The following NKAIN2 variants were observed in gnomAD, a reference collection of about 807,000 sequenced individuals.
NKAIN2 encodes the protein sodium/potassium-transporting ATPase subunit beta-1-interacting protein 2.
In NKAIN2, 14 loss-of-function variants were observed where a neutral mutation model predicts 32.6. The ratio of observed to expected loss-of-function variants is 0.43; its 90% CI spans 0.28 to 0.67. The LOEUF is 0.67. Among genes scored for constraint, NKAIN2 ranks in the 30% least tolerant of loss-of-function variants. The pLI is 0.17. For missense variants in NKAIN2, 198 were observed against 258.3 expected (o/e 0.77, Z 1.60); for synonymous variants, 80 against 87.2 (o/e 0.92, Z 0.46).
chr6:124,018,136 A>G (rs61663747), intron 1 of NKAIN2, among the ~76,000 whole-genome samples: 3,661 of 152,244 alleles, frequency 0.024, 134 homozygotes, highest in African/African-American at 0.083. Context: ...AAGCTGTCAA[A>G]GCTTGGGGCT....
At chr6:124,300,262 A>C (rs1009493983) in intron 2 of NKAIN2, among the ~76,000 whole-genome samples, 1 of 152,086 alleles carries the variant, frequency 6.6e-6, no homozygotes, top group Admixed American at 6.6e-5. Context: ...CAAAGATTTC[A>C]TGGTTTTAAA....
intron 4 of NKAIN2, among the ~76,000 whole-genome samples, chr6:124,732,752 C>A (rs188123462): frequency 5.3e-5 from 8 of 151,938 alleles, no homozygotes; most frequent in African/African-American, 1.9e-4. Flanking sequence ...TTTAAGAATT[C>A]TTATATTGTG....
intron 3 of NKAIN2, among the ~76,000 whole-genome samples, chr6:124,542,173 T>C (rs953963012): frequency 6.6e-6 from 1 of 152,106 alleles, no homozygotes; most frequent in African/African-American, 2.4e-5. Flanking sequence ...ATCTATATTT[T>C]TATATCTGTT....
At chr6:124,012,296 G>C (rs1780370837) in intron 1 of NKAIN2, among the ~76,000 whole-genome samples, 1 of 150,096 alleles carries the variant, frequency 6.7e-6, no homozygotes, top group African/African-American at 2.5e-5. Flanking sequence ...ATAAATAGAA[G>C]CACTCTTTAT....
intron 1 of NKAIN2, among the ~76,000 whole-genome samples, chr6:124,019,786 CTG>C (rs1780782438): frequency 6.6e-6 from 1 of 151,998 alleles, no homozygotes; most frequent in South Asian, 2.1e-4. Context: ...TTGTCTGAAA[CTG>C]TAACAAATTC....
At chr6:124,474,608 A>G (rs970990941) in intron 3 of NKAIN2, among the ~76,000 whole-genome samples, 4 of 152,004 alleles carry the variant, frequency 2.6e-5, no homozygotes, top group Non-Finnish European at 5.9e-5. Context: ...TATTTTAAAG[A>G]TCACCATGAC....
chr6:124,371,680 C>A (rs1193347076), intron 3 of NKAIN2, among the ~76,000 whole-genome samples: 5 of 97,692 alleles, frequency 5.1e-5, no homozygotes, highest in Admixed American at 1.7e-4. Context: ...GGGGAGAGAG[C>A]AAGACTCTGT....
At chr6:123,915,084 A>T (rs1358886494) in intron 1 of NKAIN2, among the ~76,000 whole-genome samples, 1 of 152,186 alleles carries the variant, frequency 6.6e-6, no homozygotes, top group Non-Finnish European at 1.5e-5. Context: ...CTTCTCGAAG[A>T]GGTGTCCAGC....
At chr6:124,181,086 C>T (rs557338288) in intron 1 of NKAIN2, among the ~76,000 whole-genome samples, 1 of 152,270 alleles carries the variant, frequency 6.6e-6, no homozygotes, top group East Asian at 1.9e-4. Context: ...GGCAGAGGTT[C>T]CCAAACCTCA....
intron 2 of NKAIN2, among the ~76,000 whole-genome samples, chr6:124,341,681 C>A (rs530734229): frequency 2.6e-5 from 4 of 152,130 alleles, no homozygotes; most frequent in Non-Finnish European, 5.9e-5. Context: ...GCAGCATAAT[C>A]TATGATTAGA....
At chr6:124,731,982 TA>T (rs1776702390) in intron 4 of NKAIN2, among the ~76,000 whole-genome samples, 1 of 152,100 alleles carries the variant, frequency 6.6e-6, no homozygotes, top group Non-Finnish European at 1.5e-5. Flanking sequence ...ATGAATATAA[TA>T]AATGGATCTC....
chr6:124,476,981 A>G (rs1167637440), intron 3 of NKAIN2, among the ~76,000 whole-genome samples: 1 of 152,186 alleles, frequency 6.6e-6, no homozygotes, highest in African/African-American at 2.4e-5. Context: ...CACCCTTTGT[A>G]CTGAAAGTGC....
intron 3 of NKAIN2, among the ~76,000 whole-genome samples, chr6:124,402,769 A>G (rs930971891): frequency 1.3e-5 from 2 of 152,136 alleles, no homozygotes; most frequent in African/African-American, 4.8e-5. Flanking sequence ...TATAGACACA[A>G]AGAAGGGAGT....
chr6:124,142,578 A>G (rs2114341386), intron 1 of NKAIN2, among the ~76,000 whole-genome samples: 1 of 152,338 alleles, frequency 6.6e-6, no homozygotes, highest in South Asian at 2.1e-4. Flanking sequence ...ACGCAGTTGG[A>G]TAGCAAAATA....
intron 3 of NKAIN2, among the ~76,000 whole-genome samples, chr6:124,452,262 G>A (rs915217435): frequency 1.3e-5 from 2 of 151,288 alleles, no homozygotes; most frequent in African/African-American, 4.9e-5. Flanking sequence ...TGAAATAAAA[G>A]GGGTATTGTG....
rs1780128169 is a variant in NKAIN2, at chr6:124,547,287, A to G, written c.274-110899A>G. Among the ~76,000 whole-genome samples the G allele has an allele frequency of 2.6e-5, 4 of 151,808 alleles. No homozygotes were observed. The South Asian group carries it at 8.3e-4, about 31-fold the overall frequency. On this transcript the variant is annotated intron_variant, in intron 3 of 6. Transcript: ENST00000368417. ...TAAAATATCACCAGGTTTTTTTTTTAGCCTTTGCTAAAATTCTTGATTTAT... is the reference window on the plus strand; with the variant it reads ...TAAAATATCACCAGGTTTTTTTTTTGGCCTTTGCTAAAATTCTTGATTTAT...
chr6:124,074,199 A>G (rs1476828219), intron 1 of NKAIN2, among the ~76,000 whole-genome samples: 2 of 152,194 alleles, frequency 1.3e-5, no homozygotes, highest in Admixed American at 6.5e-5. Flanking sequence ...AGGAAAGCTC[A>G]ATAGTGACTC....
At chr6:124,350,840 A>C (rs1191862438) in intron 2 of NKAIN2, among the ~76,000 whole-genome samples, 3 of 152,192 alleles carry the variant, frequency 2.0e-5, no homozygotes, top group Non-Finnish European at 4.4e-5. Flanking sequence ...GAGGCAACTC[A>C]TAGCTGCGCA....
chr6:124,639,432 CA>C (rs1783903296), intron 3 of NKAIN2, among the ~76,000 whole-genome samples: 1 of 152,024 alleles, frequency 6.6e-6, no homozygotes, highest in South Asian at 2.1e-4. Context: ...GTGGGAGTTC[CA>C]GACCAGTCTG....
Sources: gnomAD v4.1 joint callset for allele counts (sites outside exome capture counted in the v4.1 genomes callset) on GRCh38, gnomAD v4.1.1 for gene constraint, MANE v1.5 for transcripts, NCBI Gene and HGNC (gene_info 2026-07-23, HGNC 2026-07-21) for gene names.